The following GARS1 variants were observed in gnomAD, a reference collection of about 807,000 sequenced individuals.
GARS1 encodes the protein glycyl-tRNA synthetase 1.
GARS1 carries 46 observed loss-of-function variants against 86.4 expected under a neutral mutation model. The observed-to-expected ratio is 0.53, with a 90% CI of 0.42 to 0.68. GARS1 has a LOEUF of 0.68. Ranked by LOEUF, GARS1 falls within the 30% of genes least tolerant of loss-of-function variation. GARS1 has a pLI of 0.00. For synonymous variants in GARS1, 342 were observed against 329.8 expected (o/e 1.04, Z -0.40); for missense variants, 797 against 915.6 (o/e 0.87, Z 1.67).
At chr7:30,617,967 A>G (rs886374528) in intron 10 of GARS1, among the ~76,000 whole-genome samples, 1 of 152,194 alleles carries the variant, frequency 6.6e-6, no homozygotes, top group African/African-American at 2.4e-5. Context: ...TGGGTGTTAG[A>G]GAGGCTTCCT....
intron 13 of GARS1, 29 bp from the exon 14 acceptor site, chr7:30,628,531 A>C: frequency 6.9e-7 from 1 of 1,442,778 alleles, no homozygotes; most frequent in Non-Finnish European, 9.8e-7. Context: ...ATTTGAGAGA[A>C]TGTTATTGAA....
chr7:30,628,754 C>T (rs367599252), intron 14 of GARS1, 85 bp downstream of exon 14: 5 of 817,906 alleles, frequency 6.1e-6, no homozygotes, highest in East Asian at 5.2e-5. Flanking sequence ...TAATAAGACT[C>T]TAGAATGGTC....
Position 30,622,561 on chromosome 7 carries a change from G to T in GARS1, c.1613+99G>T, listed in dbSNP as rs546694851. 8.8e-6 allele frequency: 12 copies of T among 1,369,556 alleles called. No individual in the cohort carries two copies. The South Asian group carries it at 1.4e-4, about 16-fold the overall frequency. The allele number at this position is 1,369,556 out of a possible 1,614,324, so 84.8% of individuals were successfully genotyped here. On this transcript the variant is annotated intron_variant, in intron 12 of 16. Coordinates refer to ENST00000389266, the MANE Select transcript of GARS1 (RefSeq NM_002047.4). ...ATTAATTTCTTAAGATTTTTTGCAG[G>T]TAAGTACTGTATCTTGGCTGCATTT...
intron 12 of GARS1, 101 bp from the exon 13 acceptor site, chr7:30,626,133 T>G: frequency 1.4e-6 from 1 of 699,926 alleles, no homozygotes; most frequent in Non-Finnish European, 2.6e-6. Flanking sequence ...TTGATCAAGT[T>G]ATAAAAAGAA....
intron 1 of GARS1, 55 bp from the exon 2 acceptor site, chr7:30,598,741 A>C: frequency 6.9e-7 from 1 of 1,441,856 alleles, no homozygotes; most frequent in Admixed American, 1.7e-5. Flanking sequence ...ACACATTCCT[A>C]ACATTTCTTA....
intron 10 of GARS1, 30 bp from the exon 11 acceptor site, chr7:30,621,363 G>A: frequency 6.4e-7 from 1 of 1,558,058 alleles, no homozygotes; most frequent in Non-Finnish European, 8.9e-7. Flanking sequence ...TAATAAGTAA[G>A]TAATGTTTTT....
chr7:30,631,065 A>G (rs868454651), intron 14 of GARS1: 11 of 212,076 alleles, frequency 5.2e-5, no homozygotes, highest in African/African-American at 2.5e-4. Flanking sequence ...TAGTCTCCAC[A>G]GAAAGTCTTT....
rs1465477908 is a variant in GARS1 at position 30,598,821 on chromosome 7, A to AAGATAAAGCACCCCAAGTAGACGT, written c.252_275dup (p.Pro87_Ala94dup). The AAGATAAAGCACCCCAAGTAGACGT allele has an allele frequency of 6.2e-7, 1 of 1,614,158 alleles. No individual in the cohort carries two copies. Among genetic ancestry groups the AAGATAAAGCACCCCAAGTAGACGT allele is most frequent in the South Asian group, 1.1e-5 (1 of 91,080 alleles). On this transcript the variant is annotated inframe_insertion, in exon 2 of 17. Transcript: ENST00000389266. ...GGAGATCTTGTGCGAAAACTCAAAGAAGATAAAGCACCCCAAGTAGACGTA... is the reference window on the plus strand; with the variant it reads ...GGAGATCTTGTGCGAAAACTCAAAGAAGATAAAGCACCCCAAGTAGACGTAGATAAAGCACCCCAAGTAGACGTA...
In GARS1 at chr7:30,603,556, A is replaced by G; in HGVS notation, c.719A>G (p.Glu240Gly). The change falls in exon 6 of 17, where the codon GAA becomes GGA. Residue 240 changes from glutamate (E) to glycine (G), a missense_variant. Glu to Gly is a moderately conservative substitution (Grantham distance 98). Transcript: ENST00000389266. Reference protein sequence around the residue: ...KCSVEKKSEMESVLAQLDNYG... With the variant: ...KCSVEKKSEMGSVLAQLDNYG... ...TCTGTCGAAAAGAAATCAGAAATGG[A>G]AAGTGTTTTGGCCCAGGTGAGTACT... 2 of 1,613,766 alleles carry G rather than the reference A, an allele frequency of 1.2e-6. No homozygotes were observed. The highest frequency in any genetic ancestry group is 1.7e-6 in the Non-Finnish European group (2 of 1,179,830).
chr7:30,620,289 T>C (rs528927065), intron 10 of GARS1, among the ~76,000 whole-genome samples: 1 of 152,292 alleles, frequency 6.6e-6, no homozygotes, highest in Admixed American at 6.5e-5. Flanking sequence ...TTATAAACAA[T>C]GGACATTGAT....
intron 3 of GARS1, among the ~76,000 whole-genome samples, chr7:30,600,683 C>T (rs543334220): frequency 2.6e-5 from 4 of 152,162 alleles, no homozygotes; most frequent in African/African-American, 7.2e-5. Flanking sequence ...CCTCAAATAC[C>T]CAGGAAAAAA....
chr7:30,630,863 T>C (rs1489630494), intron 14 of GARS1, among the ~76,000 whole-genome samples: 1 of 152,216 alleles, frequency 6.6e-6, no homozygotes, highest in Non-Finnish European at 1.5e-5. Flanking sequence ...TCAGGGCAGT[T>C]TAAGAAGGCT....
At chr7:30,603,188 G>T (rs1469971029) in intron 5 of GARS1, 66 bp downstream of exon 5, 1 of 1,352,530 alleles carries the variant, frequency 7.4e-7, no homozygotes. Context: ...TCTCTCAGAT[G>T]TCTTTCATTA....
chr7:30,612,949 A>G (rs1782800748), intron 8 of GARS1, among the ~76,000 whole-genome samples: 3 of 152,322 alleles, frequency 2.0e-5, no homozygotes, highest in African/African-American at 7.2e-5. Context: ...TATTCCTGGT[A>G]TCATCTCTTA....
At chr7:30,595,540 A>G (rs181052856) in intron 1 of GARS1, among the ~76,000 whole-genome samples, 34 of 151,812 alleles carry the variant, frequency 2.2e-4, no homozygotes, top group South Asian at 1.0e-3. Flanking sequence ...GCTCTGCTGT[A>G]CTCTTTGTGC....
At chr7:30,610,256 T>C (rs1165284030) in intron 7 of GARS1, among the ~76,000 whole-genome samples, 1 of 152,264 alleles carries the variant, frequency 6.6e-6, no homozygotes, top group African/African-American at 2.4e-5. Flanking sequence ...GACATCTGCC[T>C]GGTGTCCTAC....
intron 14 of GARS1, among the ~76,000 whole-genome samples, chr7:30,630,572 A>G (rs925640490): frequency 7.0e-6 from 1 of 142,498 alleles, no homozygotes; most frequent in Non-Finnish European, 1.5e-5. Flanking sequence ...GTGCAGTGGC[A>G]CAATCTCAGC....
Position 30,617,259 on chromosome 7 carries a change from C to T in GARS1, c.1340C>T (p.Ala447Val). The part of the protein sequence containing the change: ...MAHYACDCWD[A>V]ESKTSYGWIE... ...CATTATGCCTGTGACTGTTGGGATG[C>T]AGAATCCAAAACATCCTACGTAAGT... is the stretch of plus-strand genomic sequence containing the variant. The change falls in exon 10 of 17, where the codon GCA (alanine) becomes GTA (valine). Residue 447 changes from alanine to valine, a missense_variant. Physicochemically the swap from Ala to Val is moderately conservative, Grantham distance 64 (BLOSUM62 0). Around this residue, in one of 2 missense-constraint regions of GARS1, gnomAD observed 598 missense variants for 738.7 expected, o/e 0.81. Coordinates refer to ENST00000389266, the MANE Select transcript of GARS1 (RefSeq NM_002047.4). The T allele has an allele frequency of 6.2e-7, 1 of 1,613,942 alleles. No homozygotes were observed. Among genetic ancestry groups the T allele is most frequent in the Non-Finnish European group, 8.5e-7 (1 of 1,179,850 alleles).
rs751960116 is a variant in GARS1 at position 30,632,437 on chromosome 7, G to A, written c.2094G>A (p.Glu698=). 1.2e-6 allele frequency: 2 copies of A among 1,614,070 alleles called. No homozygotes were observed. The highest frequency in any genetic ancestry group is 1.7e-6 in the Non-Finnish European group (2 of 1,179,944). ...ACTCAATGCGGCAGATAAGAGCAGAGGTATCTGGCCTTCTCTTTGGCATTT... is the reference window on the plus strand; with the variant it reads ...ACTCAATGCGGCAGATAAGAGCAGAAGTATCTGGCCTTCTCTTTGGCATTT... The part of the protein sequence containing the change: ...DRDSMRQIRA[E]ISELPSIVQD... The change falls in exon 16 of 17, where the codon GAG becomes GAA. Residue 698 remains glutamate, a splice_region_variant and synonymous_variant. Transcript: ENST00000389266. The surrounding 1 kb of genome is among the most constrained non-coding windows in gnomAD (Gnocchi z 4.1).
Sources: gnomAD v4.1 joint callset for allele counts (sites outside exome capture counted in the v4.1 genomes callset) on GRCh38, gnomAD v4.1.1 for gene constraint, gnomAD v4.1.1 regional missense constraint, Gnocchi (gnomAD v3.1) non-coding constraint, MANE v1.5 for transcripts, NCBI Gene and HGNC (gene_info 2026-07-23, HGNC 2026-07-21) for gene names.